NEDD4L: variants seen among roughly 807,000 people sequenced by gnomAD.
The protein encoded by NEDD4L is NEDD4 like E3 ubiquitin protein ligase, also known as E3 ubiquitin-protein ligase NEDD4-like.
Under a neutral mutation model 148.9 loss-of-function variants are expected in NEDD4L, and 54 were observed. That is an observed-to-expected ratio of 0.36 (90% CI 0.29 to 0.45). The LOEUF (loss-of-function observed/expected upper bound fraction) is 0.45, where lower values mean the gene tolerates loss of function less well. Ranked by LOEUF, NEDD4L falls within the 20% of genes least tolerant of loss-of-function variation. The pLI is 1.00. For missense variants in NEDD4L, 856 were observed against 1,233.8 expected (o/e 0.69, Z 4.59); for synonymous variants, 433 against 440.7 (o/e 0.98, Z 0.22).
chr18:58,366,166 G>C lies in NEDD4L; in HGVS notation c.2001G>C (p.Trp667Cys). The change falls in exon 21 of 31, where the codon TGG (tryptophan) becomes TGC (cysteine). Residue 667 changes from tryptophan to cysteine, a missense_variant. Physicochemically the swap from Trp to Cys is radical, Grantham distance 215. This residue lies in a region of NEDD4L where 286 missense variants were observed against 531.8 expected (regional missense o/e 0.54). Coordinates refer to ENST00000400345, the MANE Select transcript of NEDD4L (RefSeq NM_001144967.3). The surrounding 1 kb of genome is among the most constrained non-coding windows in gnomAD (Gnocchi z 4.2). Reference protein sequence around the residue: ...GLDYGGVAREWFFLLSKEMFN... With the variant: ...GLDYGGVARECFFLLSKEMFN... Reference sequence around the variant, plus strand: ...ACTATGGGGGTGTGGCCAGAGAATGGTTCTTCTTACTGTCCAAAGAGATGT... The same window carrying C: ...ACTATGGGGGTGTGGCCAGAGAATGCTTCTTCTTACTGTCCAAAGAGATGT... 6.2e-7 allele frequency: 1 copy of C among 1,613,516 alleles called. No homozygotes were observed. The highest frequency in any genetic ancestry group is 8.5e-7 in the Non-Finnish European group (1 of 1,179,710).
chr18:58,235,515 C>CT (rs145575910), intron 2 of NEDD4L, among the ~76,000 whole-genome samples: 2,056 of 152,274 alleles, frequency 0.014, 47 homozygotes, highest in African/African-American at 0.047. Context: ...AAGTAAGCAT[C>CT]TTTTTTTCCC....
intron 1 of NEDD4L, among the ~76,000 whole-genome samples, chr18:58,102,021 G>A (rs911174911): frequency 6.6e-6 from 1 of 152,130 alleles, no homozygotes; most frequent in Non-Finnish European, 1.5e-5. Context: ...GCCTTCCTTG[G>A]TTGGTTAGTT....
intron 1 of NEDD4L, among the ~76,000 whole-genome samples, chr18:58,062,504 A>T (rs1282408847): frequency 6.6e-6 from 1 of 152,192 alleles, no homozygotes; most frequent in Non-Finnish European, 1.5e-5. Context: ...ATTAATACAA[A>T]ATCTGGTGAA....
chr18:58,108,433 A>T (rs781739658), intron 1 of NEDD4L, among the ~76,000 whole-genome samples: 1 of 152,032 alleles, frequency 6.6e-6, no homozygotes, highest in East Asian at 1.9e-4. Context: ...TTTTATGTTT[A>T]TTTTTTGAGA....
intron 6 of NEDD4L, among the ~76,000 whole-genome samples, chr18:58,319,109 C>A (rs1014140530): frequency 6.6e-6 from 1 of 152,128 alleles, no homozygotes; most frequent in Non-Finnish European, 1.5e-5. Context: ...GCTGATGGTT[C>A]CCTCTCATGA....
At chr18:58,174,863 A>G (rs78682164) in intron 2 of NEDD4L, among the ~76,000 whole-genome samples, 2,957 of 152,164 alleles carry the variant, frequency 0.019, 91 homozygotes, top group African/African-American at 0.068. Flanking sequence ...TTAAATATTG[A>G]TTTACTTTAC....
At chr18:58,370,351 C>A in intron 22 of NEDD4L, 46 bp from the exon 23 acceptor site, 1 of 1,082,162 alleles carries the variant, frequency 9.2e-7, no homozygotes, top group Non-Finnish European at 1.4e-6. Context: ...TGATACATAG[C>A]AGTGTCAAAG....
chr18:58,218,273 T>G (rs17064483), intron 2 of NEDD4L, among the ~76,000 whole-genome samples: 13,831 of 152,244 alleles, frequency 0.091, 2,046 homozygotes, highest in African/African-American at 0.31. Flanking sequence ...CCCAGTCTTT[T>G]AAGTGTAGTC....
intron 28 of NEDD4L, 195 bp from the exon 29 acceptor site, chr18:58,390,451 T>G: frequency 4.1e-6 from 2 of 486,790 alleles, no homozygotes. Context: ...GAGACGGACA[T>G]TGTGATCACT....
intron 1 of NEDD4L, among the ~76,000 whole-genome samples, chr18:58,096,402 TTTTATTTTATTTTA>T (rs1339329291): frequency 6.9e-6 from 1 of 144,462 alleles, no homozygotes; most frequent in Non-Finnish European, 1.5e-5. Flanking sequence ...TTTTATTTTA[TTTTATTTTATTTTA>T]TTTATTTGAC....
chr18:58,393,278 A>T (rs2050062988), intron 30 of NEDD4L, among the ~76,000 whole-genome samples: 1 of 152,196 alleles, frequency 6.6e-6, no homozygotes, highest in African/African-American at 2.4e-5. Flanking sequence ...TCTCAACCTC[A>T]GCTGCATGTT....
At chr18:58,333,532 G>A (rs554971585) in intron 11 of NEDD4L, among the ~76,000 whole-genome samples, 36 of 152,310 alleles carry the variant, frequency 2.4e-4, no homozygotes, top group African/African-American at 8.4e-4. Flanking sequence ...CAGCATTAGA[G>A]TGTTGCAGAG....
chr18:58,243,225 G>A (rs11660199), intron 2 of NEDD4L, among the ~76,000 whole-genome samples: 18,367 of 152,180 alleles, frequency 0.12, 1,203 homozygotes, highest in East Asian at 0.23. Flanking sequence ...AGAGTTTATG[G>A]TATTCTTTAT....
At chr18:58,068,878 T>C (rs1430901934) in intron 1 of NEDD4L, among the ~76,000 whole-genome samples, 1 of 152,204 alleles carries the variant, frequency 6.6e-6, no homozygotes, top group Non-Finnish European at 1.5e-5. Context: ...GGCTTACGCC[T>C]GTAATCCCAG....
intron 2 of NEDD4L, among the ~76,000 whole-genome samples, chr18:58,192,958 T>G (rs2040276108): frequency 6.6e-6 from 1 of 152,244 alleles, no homozygotes; most frequent in African/African-American, 2.4e-5. Context: ...ATATCCTAGT[T>G]TGATGTGATC....
At chr18:58,355,467 G>C (rs1318294533) in intron 18 of NEDD4L, among the ~76,000 whole-genome samples, 3 of 152,186 alleles carry the variant, frequency 2.0e-5, no homozygotes, top group African/African-American at 7.2e-5. Context: ...TGAAGTTCAG[G>C]TCTGGTCTGA....
At chr18:58,293,303 G>A (rs548443302) in intron 5 of NEDD4L, among the ~76,000 whole-genome samples, 1 of 152,308 alleles carries the variant, frequency 6.6e-6, no homozygotes, top group South Asian at 2.1e-4. Context: ...AAGCTATGAT[G>A]AGAAATGGCT....
At position 58,329,032 on chromosome 18, in the gene NEDD4L, A is replaced by G. The variant is rs1260961412; in HGVS notation, c.718A>G (p.Ile240Val). 3 of 1,613,966 alleles carry G rather than the reference A, an allele frequency of 1.9e-6. No homozygotes were observed. The highest frequency in any genetic ancestry group is 1.7e-5 in the Admixed American group (1 of 60,032). The change falls in exon 10 of 31, where the codon ATC (isoleucine) becomes GTC (valine). Residue 240 changes from isoleucine to valine, a missense_variant. By Grantham distance (29) the Ile-to-Val change is conservative. Coordinates refer to ENST00000400345, the MANE Select transcript of NEDD4L (RefSeq NM_001144967.3). ...SSESDNNIRQ[I>V]NQEAAHRRFR... Reference sequence around the variant, plus strand: ...GGAGTCGGACAATAACATCAGACAGATCAACCAGGAGGCAGCACACCGGCG... The same window carrying G: ...GGAGTCGGACAATAACATCAGACAGGTCAACCAGGAGGCAGCACACCGGCG...
At chr18:58,058,110 A>T (rs58031024) in intron 1 of NEDD4L, among the ~76,000 whole-genome samples, 1,885 of 152,270 alleles carry the variant, frequency 0.012, 41 homozygotes, top group African/African-American at 0.043. Flanking sequence ...GGTAGAGACC[A>T]TCCTGGCCAA....
Sources: gnomAD v4.1 joint callset for allele counts (sites outside exome capture counted in the v4.1 genomes callset) on GRCh38, gnomAD v4.1.1 for gene constraint, gnomAD v4.1.1 regional missense constraint, Gnocchi (gnomAD v3.1) non-coding constraint, MANE v1.5 for transcripts, NCBI Gene and HGNC (gene_info 2026-07-23, HGNC 2026-07-21) for gene names.